The following TXLNB variants were observed in gnomAD, a reference collection of about 807,000 sequenced individuals.
TXLNB encodes the protein taxilin beta.
A neutral mutation model predicts 57.4 loss-of-function variants in TXLNB; 37 were observed. That is an observed-to-expected ratio of 0.64 (90% CI 0.50 to 0.85). The LOEUF is 0.85. Ranked by LOEUF, TXLNB falls within the 40% of genes least tolerant of loss-of-function variation. The pLI is 0.00. For synonymous variants in TXLNB, 302 were observed against 309.6 expected, an observed-to-expected ratio of 0.98 and a Z score of 0.26; for missense variants, 848 against 825.6, an observed-to-expected ratio of 1.03 and a Z score of -0.33.
chr6:139,296,812 CAG>C (rs1158624744), upstream of TXLNB, among the ~76,000 whole-genome samples: 1 of 152,090 alleles, frequency 6.6e-6, no homozygotes. Context: ...ACTTGGAAGA[CAG>C]GGGCGGGCGA....
chr6:139,199,805 TGG>T, the TXLNB span: 1 of 151,916 alleles, frequency 6.6e-6, no homozygotes, highest in African/African-American at 2.4e-5. Context: ...AAAAGTGGGG[TGG>T]GGTAAGGCTT....
chr6:139,161,724 A>C, the TXLNB span, among the ~76,000 whole-genome samples: 1 of 152,280 alleles, frequency 6.6e-6, no homozygotes, highest in African/African-American at 2.4e-5. Flanking sequence ...AATGTTAGTT[A>C]GATCTTCCTT....
intron 4 of TXLNB, among the ~76,000 whole-genome samples, chr6:139,265,086 T>C (rs773771546): frequency 6.6e-6 from 1 of 152,278 alleles, no homozygotes; most frequent in Non-Finnish European, 1.5e-5. Context: ...CAACTGGTGC[T>C]GTGCCTGGCA....
At chr6:139,194,015 G>A in the TXLNB span, among the ~76,000 whole-genome samples, 1 of 150,840 alleles carries the variant, frequency 6.6e-6, no homozygotes, top group Non-Finnish European at 1.5e-5. Context: ...CCAATTTTTT[G>A]TATTTTTAGT....
chr6:139,173,068 A>T, the TXLNB span, among the ~76,000 whole-genome samples: 1 of 152,084 alleles, frequency 6.6e-6, no homozygotes, highest in African/African-American at 2.4e-5. Context: ...TGCAAATGAA[A>T]TTTTTTCCAG....
chr6:139,211,397 C>T, the TXLNB span, among the ~76,000 whole-genome samples: 1 of 152,178 alleles, frequency 6.6e-6, no homozygotes, highest in Non-Finnish European at 1.5e-5. Context: ...CAGTAAACTC[C>T]AACAGACCTG....
chr6:139,288,020 T>A (rs973632386), intron 2 of TXLNB, among the ~76,000 whole-genome samples: 5 of 152,214 alleles, frequency 3.3e-5, no homozygotes, highest in Non-Finnish European at 5.9e-5. Context: ...GTAAAGAAAC[T>A]AGGATGTGCA....
chr6:139,290,168 T>C (rs1777272867), intron 1 of TXLNB, among the ~76,000 whole-genome samples: 1 of 152,146 alleles, frequency 6.6e-6, no homozygotes, highest in African/African-American at 2.4e-5. Flanking sequence ...GGGTGGATCC[T>C]TGAGGCCAGG....
chr6:139,321,366 G>A, the TXLNB span, among the ~76,000 whole-genome samples: 1 of 152,110 alleles, frequency 6.6e-6, no homozygotes, highest in South Asian at 2.1e-4. Context: ...GATAAAGTGA[G>A]AAGTCACCAT....
intron 9 of TXLNB, 88 bp downstream of exon 9, chr6:139,244,507 T>G: frequency 2.2e-6 from 2 of 909,536 alleles, no homozygotes; most frequent in South Asian, 2.9e-5. Context: ...CATAACCATT[T>G]GTACTATTAC....
chr6:139,249,024 G>A (rs58346918), intron 7 of TXLNB, among the ~76,000 whole-genome samples: 3 of 152,194 alleles, frequency 2.0e-5, no homozygotes, highest in Non-Finnish European at 2.9e-5. Context: ...TTCCACAGAT[G>A]GAAGTAATGA....
the TXLNB span, among the ~76,000 whole-genome samples, chr6:139,204,797 C>T: frequency 3.2e-4 from 49 of 152,256 alleles, 1 homozygote; most frequent in Admixed American, 2.7e-3. Flanking sequence ...AGACCAGCCT[C>T]GCCAACTGCA....
chr6:139,196,434 G>T, the TXLNB span, among the ~76,000 whole-genome samples: 1 of 128,216 alleles, frequency 7.8e-6, no homozygotes, highest in African/African-American at 3.0e-5. Context: ...GAGTGCAATG[G>T]TGTGATCTTG....
the TXLNB span, among the ~76,000 whole-genome samples, chr6:139,230,094 A>G: frequency 6.6e-6 from 1 of 152,204 alleles, no homozygotes; most frequent in Non-Finnish European, 1.5e-5. Context: ...TTGTTATAAA[A>G]AGCTCTCCTT....
chr6:139,183,935 G>A, the TXLNB span, among the ~76,000 whole-genome samples: 1 of 151,498 alleles, frequency 6.6e-6, no homozygotes, highest in Admixed American at 6.6e-5. Flanking sequence ...GAAAACACAA[G>A]GACTAGGGTC....
the TXLNB span, among the ~76,000 whole-genome samples, chr6:139,300,853 C>G: frequency 6.6e-6 from 1 of 152,166 alleles, no homozygotes; most frequent in Non-Finnish European, 1.5e-5. Context: ...CGAGATTGCA[C>G]CACTGTGCTC....
At chr6:139,166,819 G>A in the TXLNB span, 7 of 1,613,636 alleles carry the variant, frequency 4.3e-6, no homozygotes, top group Admixed American at 1.7e-5. Context: ...GTGGCTCCCC[G>A]GGCCAGTCCC....
At chr6:139,256,650 A>G (rs1776350816) in intron 6 of TXLNB, among the ~76,000 whole-genome samples, 1 of 152,244 alleles carries the variant, frequency 6.6e-6, no homozygotes, top group South Asian at 2.1e-4. Flanking sequence ...TTTAGAGTAC[A>G]TCCAGAATCA....
At chr6:139,292,681 A>G (rs543795377), upstream of TXLNB, among the ~76,000 whole-genome samples, 66 of 151,408 alleles carry the variant, frequency 4.4e-4, 1 homozygote, top group South Asian at 8.2e-3. This position sits in a 1 kb window ranked among gnomAD's most constrained non-coding sequence, Gnocchi z 4.0. Context: ...TCTCAAACAA[A>G]CCCTCAGGGA....
Sources: gnomAD v4.1 joint callset for allele counts (sites outside exome capture counted in the v4.1 genomes callset) on GRCh38, gnomAD v4.1.1 for gene constraint, Gnocchi (gnomAD v3.1) non-coding constraint, MANE v1.5 for transcripts, NCBI Gene and HGNC (gene_info 2026-07-23, HGNC 2026-07-21) for gene names.